NASP: variants seen among roughly 807,000 people sequenced by gnomAD.
NASP encodes nuclear autoantigenic sperm protein.
In NASP, 24 loss-of-function variants were observed where a neutral mutation model predicts 89.5. The ratio of observed to expected loss-of-function variants is 0.27; its 90% confidence interval spans 0.19 to 0.38. The LOEUF is 0.38. NASP is among the 10% of genes least tolerant of loss of function. NASP has a pLI of 1.00. For synonymous variants in NASP, 306 were observed against 324.7 expected (o/e 0.94, Z 0.62); for missense variants, 848 against 921.4 (o/e 0.92, Z 1.03).
At chr1:45,598,150 A>C in intron 2 of NASP, among the ~76,000 whole-genome samples, 1 of 146,742 alleles carries the variant, frequency 6.8e-6, no homozygotes, top group African/African-American at 2.5e-5. Flanking sequence ...GTAACATTTG[A>C]CCCAATCCAT....
intron 1 of NASP, chr1:45,588,537 A>T: frequency 2.5e-6 from 1 of 399,020 alleles, no homozygotes; most frequent in Admixed American, 2.9e-5. Context: ...CTGTGAGCCT[A>T]GCCTTGAATT....
chr1:45,612,467 G>A (rs1378251434), intron 6 of NASP: 1 of 152,208 alleles, frequency 6.6e-6, no homozygotes, highest in East Asian at 1.9e-4. Flanking sequence ...TATTGATTAG[G>A]AGCCTGACCT....
intron 9 of NASP, 59 bp from the exon 10 acceptor site, chr1:45,614,954 T>C: frequency 6.9e-7 from 1 of 1,453,978 alleles, no homozygotes; most frequent in Non-Finnish European, 9.4e-7. Context: ...GTCTGAATTC[T>C]GGAAGTATTT....
At chr1:45,599,573 A>G (rs994647131) in intron 2 of NASP, among the ~76,000 whole-genome samples, 1 of 152,016 alleles carries the variant, frequency 6.6e-6, no homozygotes, top group Non-Finnish European at 1.5e-5. Context: ...GACTACAGGC[A>G]CACACCACCA....
chr1:45,616,520 G>T, intron 12 of NASP, 106 bp from the exon 13 acceptor site: 1 of 1,491,162 alleles, frequency 6.7e-7, no homozygotes, highest in Non-Finnish European at 9.3e-7. Flanking sequence ...ACACTAGCTT[G>T]GGCAACATAG....
At position 45,584,606 on chromosome 1, in the gene NASP, T is replaced by C. The variant is rs1044161730; in HGVS notation, c.59+401T>C. ...AGAACCCCTGGATAACCCGGGAATA[T>C]AACCAACGAAGATTTGGCGCCAAAA... On this transcript the variant is annotated intron_variant, in intron 1 of 14. Coordinates refer to ENST00000350030, the MANE Select transcript of NASP (RefSeq NM_002482.4). 3.0e-4 allele frequency among the ~76,000 whole-genome samples: 39 copies of C among 129,822 alleles called. 1 individual carries two copies. The highest frequency in any genetic ancestry group is 3.7e-4 in the Admixed American group (4 of 10,926). The allele number at this position is 129,822 out of a possible 152,430, so 85.2% of individuals were successfully genotyped here.
rs147979968 is a variant in NASP at position 45,615,431 on chromosome 1, G to C, written c.1982G>C (p.Arg661Pro). The C allele has an allele frequency of 1.2e-5, 19 of 1,613,956 alleles. No homozygotes were observed. In the Middle Eastern group the frequency reaches 8.2e-4, roughly 70 times the overall value. ...EKIEDAKESQ[R>P]SGNVAELALK... ...ATAGAAGATGCAAAGGAGTCTCAGC[G>C]TAGTGGGAATGTAGCTGAACTGGCT... The change falls in exon 11 of 15, where the codon CGT (arginine) becomes CCT (proline). Residue 661 changes from arginine to proline, a missense_variant. Around this residue, in one of 5 missense-constraint regions of NASP, gnomAD observed 218 missense variants for 219.6 expected, o/e 0.99. Coordinates refer to ENST00000350030, the MANE Select transcript of NASP (RefSeq NM_002482.4).
intron 2 of NASP, chr1:45,594,731 A>G (rs889983424): frequency 2.2e-6 from 1 of 455,740 alleles, no homozygotes; most frequent in Non-Finnish European, 4.4e-6. Context: ...CTGGGGCTCA[A>G]GCCATCTTCT....
chr1:45,616,059 A>G lies in NASP; in HGVS notation c.2023-278A>G, dbSNP rs77373836. ...ATTAATGAGGCATTGAGAGGCATTC[A>G]CCACAAATTGCCTGGTTCTGTTTTT... is the stretch of plus-strand genomic sequence containing the variant. On this transcript the variant is annotated intron_variant, in intron 11 of 14. Coordinates refer to ENST00000350030, the MANE Select transcript of NASP (RefSeq NM_002482.4). 3.0e-3 allele frequency among the ~76,000 whole-genome samples: 461 copies of G among 152,316 alleles called. 4 individuals are homozygous for G. Among genetic ancestry groups the G allele is most frequent in the East Asian group, 0.022 (116 of 5,186 alleles).
At chr1:45,587,100 A>G (rs188063989) in intron 1 of NASP, among the ~76,000 whole-genome samples, 7 of 152,320 alleles carry the variant, frequency 4.6e-5, no homozygotes, top group East Asian at 3.9e-4. Flanking sequence ...CCCTCGTGCC[A>G]TTAAAGCAGT....
intron 2 of NASP, among the ~76,000 whole-genome samples, chr1:45,597,848 T>C (rs759526474): frequency 2.0e-5 from 3 of 152,170 alleles, no homozygotes; most frequent in Non-Finnish European, 4.4e-5. Flanking sequence ...ACAATACTCT[T>C]CTTGTTTCCT....
chr1:45,607,157 A>G lies in NASP; in HGVS notation c.410-164A>G, dbSNP rs575585296. On this transcript the variant is annotated intron_variant, in intron 5 of 14. Coordinates refer to ENST00000350030, the MANE Select transcript of NASP (RefSeq NM_002482.4). ...GCAGTAAGTTGCTCTGCTAGCCGGGATGCTCCCTTTCCTTTTCTCTAGGGG... is the reference window on the plus strand; with the variant it reads ...GCAGTAAGTTGCTCTGCTAGCCGGGGTGCTCCCTTTCCTTTTCTCTAGGGG... The G allele has an allele frequency of 2.9e-5, 20 of 690,708 alleles. 1 individual carries two copies. In the South Asian group the frequency reaches 4.1e-4, roughly 14 times the overall value. The allele number at this position is 690,708 out of a possible 1,614,324, so 42.8% of individuals were successfully genotyped here. A position where few individuals can be genotyped will look rare whatever the true frequency, so the allele number is the denominator to read the frequency against.
chr1:45,608,468 AG>A (rs1336516997), intron 6 of NASP, 131 bp downstream of exon 6: 7 of 910,414 alleles, frequency 7.7e-6, no homozygotes, highest in African/African-American at 1.7e-5. Flanking sequence ...CTAAATGAAA[AG>A]GGGGGTAGTT....
chr1:45,605,048 C>T, intron 4 of NASP, 32 bp downstream of exon 4: 3 of 1,502,614 alleles, frequency 2.0e-6, no homozygotes, highest in Middle Eastern at 1.7e-4. Flanking sequence ...ACTGAAGTTT[C>T]CTTGTTAAGA....
chr1:45,584,436 G>A (rs1483587673), intron 1 of NASP, among the ~76,000 whole-genome samples: 1 of 152,316 alleles, frequency 6.6e-6, no homozygotes. Context: ...TTTCGCGGCC[G>A]CCATCTTGCC....
rs142575665 is a variant in NASP, at chr1:45,601,049, A to T, written c.108-1206A>T. Among the ~76,000 whole-genome samples the T allele has an allele frequency of 1.9e-3, 282 of 152,248 alleles. 3 individuals are homozygous for T. The highest frequency in any genetic ancestry group is 6.0e-3 in the African/African-American group (249 of 41,572). On this transcript the variant is annotated intron_variant, in intron 2 of 14. Coordinates refer to ENST00000350030, the MANE Select transcript of NASP (RefSeq NM_002482.4). Reference sequence around the variant, plus strand: ...GATTGTTTTTTATTACTACGTTCTAAGAGTTCTTTATATATTCAAGTCCTT... The same window carrying T: ...GATTGTTTTTTATTACTACGTTCTATGAGTTCTTTATATATTCAAGTCCTT...
At chr1:45,594,763 TG>T (rs2148337717) in intron 2 of NASP, 1 of 454,802 alleles carries the variant, frequency 2.2e-6, no homozygotes, top group African/African-American at 2.0e-5. Flanking sequence ...CCTGAAGTGC[TG>T]GGATTACAGG....
chr1:45,587,687 T>TATATATATAA (rs66829841), intron 1 of NASP, among the ~76,000 whole-genome samples: 7,038 of 78,094 alleles, frequency 0.09, 1,144 homozygotes, highest in African/African-American at 0.15. Context: ...TATATATATA[T>TATATATATAA]AATTAATTTT....
In NASP at chr1:45,618,139, TAA is replaced by T. The variant is rs760015541; in HGVS notation, c.2366_2367del (p.Ter789=). Reference protein sequence around the residue: ...AGATVESTAC* With the variant: ...AGATVESTACX ...AGCTACAGTTGAAAGCACTGCATGT[TAA>T]GAGGGGGCACAGCCCTCCTCCCAAG... is the stretch of plus-strand genomic sequence containing the variant. On this transcript the variant is annotated frameshift_variant and stop_lost, in exon 15 of 15. Transcript: ENST00000350030. LOFTEE classifies it high-confidence loss of function. 6.3e-7 allele frequency: 1 copy of T among 1,589,112 alleles called. No individual in the cohort carries two copies. Among genetic ancestry groups the T allele is most frequent in the African/African-American group, 1.3e-5 (1 of 74,512 alleles).
Sources: allele counts gnomAD v4.1 joint callset (sites outside exome capture counted in the v4.1 genomes callset), GRCh38; gene constraint gnomAD v4.1.1; regional missense constraint gnomAD v4.1.1; transcripts MANE v1.5; gene names NCBI Gene and HGNC (gene_info 2026-07-23, HGNC 2026-07-21).